STON2: variants seen among roughly 807,000 people sequenced by gnomAD.
The protein encoded by STON2 is stonin-2.
Under a neutral mutation model 65.7 loss-of-function variants are expected in STON2, and 29 were observed. That is an observed-to-expected ratio of 0.44 (90% CI 0.33 to 0.60). The LOEUF (loss-of-function observed/expected upper bound fraction) is 0.60, where lower values mean the gene tolerates loss of function less well. Among genes scored for constraint, STON2 ranks in the 20% least tolerant of loss-of-function variants. The probability of loss-of-function intolerance (pLI) is 0.03; values close to 1 mark genes in which losing one functional copy is unlikely to be tolerated. For missense variants in STON2, 1,054 were observed against 1,118.1 expected, an observed-to-expected ratio of 0.94 and a Z score of 0.82; for synonymous variants, 404 against 414.2, an observed-to-expected ratio of 0.98 and a Z score of 0.30.
At chr14:81,331,621 C>A (rs1229386128) in intron 4 of STON2, among the ~76,000 whole-genome samples, 1 of 152,218 alleles carries the variant, frequency 6.6e-6, no homozygotes, top group African/African-American at 2.4e-5. Context: ...TGCAGACCCT[C>A]AGATCACTTC....
At chr14:81,271,816 C>G (rs1894606713) in intron 6 of STON2, among the ~76,000 whole-genome samples, 1 of 152,166 alleles carries the variant, frequency 6.6e-6, no homozygotes, top group South Asian at 2.1e-4. Flanking sequence ...ATGCCTTCTT[C>G]TATGTTAAAT....
Position 81,398,407 on chromosome 14 carries a change from ACACTG to A in STON2, c.-30_-26del, listed in dbSNP as rs1900438145. 6.3e-7 allele frequency: 1 copy of A among 1,586,186 alleles called. No individual in the cohort carries two copies. Among genetic ancestry groups the A allele is most frequent in the Non-Finnish European group, 8.7e-7 (1 of 1,154,880 alleles). Reference sequence around the variant, plus strand: ...TGCTAAAAAGGCACTGGTCATCTTCACACTGCTGACCTCAGGTGAACCCCAGAATA... The same window carrying A: ...TGCTAAAAAGGCACTGGTCATCTTCACTGACCTCAGGTGAACCCCAGAATA... On this transcript the variant is annotated 5_prime_UTR_variant, in exon 2 of 8. Coordinates refer to ENST00000614646, the MANE Select transcript of STON2 (RefSeq NM_001394390.1).
intron 5 of STON2, chr14:81,323,541 C>A (rs1278342662): frequency 6.6e-6 from 1 of 152,132 alleles, no homozygotes; most frequent in Admixed American, 6.5e-5. Flanking sequence ...TTGCATCTTC[C>A]GTTCCACACT....
intron 2 of STON2, among the ~76,000 whole-genome samples, chr14:81,410,171 G>A (rs8016935): frequency 0.016 from 2,348 of 146,182 alleles, 66 homozygotes; most frequent in African/African-American, 0.057. Flanking sequence ...CCACTGAACT[G>A]ATATCAACAA....
chr14:81,334,544 A>C (rs572500897), intron 4 of STON2, among the ~76,000 whole-genome samples: 1 of 152,228 alleles, frequency 6.6e-6, no homozygotes, highest in African/African-American at 2.4e-5. Context: ...CAAGCTCTTC[A>C]TATCTTTCTC....
Position 81,260,666 on chromosome 14 carries a change from T to G in STON2, c.*7748A>C, listed in dbSNP as rs983053415. 2 of 152,340 alleles carry G rather than the reference T, an allele frequency of 1.3e-5. No individual in the cohort carries two copies. The highest frequency in any genetic ancestry group is 2.9e-5 in the Non-Finnish European group (2 of 68,178). The allele number at this position is 152,340 out of a possible 1,614,324, so 9.4% of individuals were successfully genotyped here. A position where few individuals can be genotyped will look rare whatever the true frequency, so the allele number is the denominator to read the frequency against. On this transcript the variant is annotated 3_prime_UTR_variant, in exon 8 of 8. Coordinates refer to ENST00000614646, the MANE Select transcript of STON2 (RefSeq NM_001394390.1). ...GCATAGTGATATTTTGTTCAAAAAT[T>G]TTTTATTAATAATTCATTTTCATAG...
At chr14:81,433,086 G>A (rs1003852934) in intron 1 of STON2, among the ~76,000 whole-genome samples, 5 of 152,202 alleles carry the variant, frequency 3.3e-5, no homozygotes, top group African/African-American at 9.7e-5. Flanking sequence ...ATCCCTCCAA[G>A]TGATTCGGAT....
At chr14:81,298,997 C>T (rs910725410) in intron 5 of STON2, among the ~76,000 whole-genome samples, 2 of 152,176 alleles carry the variant, frequency 1.3e-5, no homozygotes, top group East Asian at 1.9e-4. Flanking sequence ...CCCACCTCTA[C>T]CACCAAAATA....
At position 81,277,305 on chromosome 14, in the gene STON2, G is replaced by T. The variant is rs774934482; in HGVS notation, c.2177C>A (p.Ala726Glu). 26 of 1,614,046 alleles carry T rather than the reference G, an allele frequency of 1.6e-5. No individual in the cohort carries two copies. The highest frequency in any genetic ancestry group is 1.1e-5 in the South Asian group (1 of 91,084). Residue 726 changes from alanine to glutamate, a missense_variant, in exon 6 of 8, where the codon GCG becomes GAG. By Grantham distance (107) the Ala-to-Glu change is moderately radical. Coordinates refer to ENST00000614646, the MANE Select transcript of STON2 (RefSeq NM_001394390.1). ...GAACCGCATTAGCTCAAACCGGCAC[G>T]CATCCAAAGGGTTGAACAGAATGAC... ...SRVILFNPLD[A>E]CRFELMRFRT...
intron 3 of STON2, among the ~76,000 whole-genome samples, chr14:81,387,953 T>TC (rs1464472951): frequency 1.5e-5 from 2 of 135,910 alleles, no homozygotes; most frequent in East Asian, 2.2e-4. Flanking sequence ...TCTTTTCTTT[T>TC]TTTTTTTTTT....
chr14:81,428,643 A>C (rs1423766902), intron 1 of STON2, among the ~76,000 whole-genome samples: 3 of 152,152 alleles, frequency 2.0e-5, no homozygotes, highest in Non-Finnish European at 1.5e-5. Context: ...GAATCGCTTG[A>C]ACCCAGGAGG....
intron 4 of STON2, among the ~76,000 whole-genome samples, chr14:81,326,735 G>A (rs946871105): frequency 6.6e-6 from 1 of 152,212 alleles, no homozygotes; most frequent in Non-Finnish European, 1.5e-5. Flanking sequence ...TAGGGATAAT[G>A]TGAATCAATA....
intron 4 of STON2, among the ~76,000 whole-genome samples, chr14:81,329,183 C>T (rs761980377): frequency 1.3e-5 from 2 of 152,044 alleles, no homozygotes; most frequent in Non-Finnish European, 2.9e-5. Flanking sequence ...TGGCCGGGCG[C>T]GGTGGCTCAC....
At chr14:81,372,327 G>A (rs941001608) in intron 3 of STON2, among the ~76,000 whole-genome samples, 4 of 152,036 alleles carry the variant, frequency 2.6e-5, no homozygotes, top group African/African-American at 4.8e-5. Context: ...GCCAAGGCGG[G>A]TGGATCACCT....
chr14:81,355,466 C>A (rs570381287), intron 4 of STON2, among the ~76,000 whole-genome samples: 3 of 151,964 alleles, frequency 2.0e-5, no homozygotes, highest in Non-Finnish European at 4.4e-5. Flanking sequence ...AACTGTAGGT[C>A]TGGAGAGAAT....
intron 5 of STON2, among the ~76,000 whole-genome samples, chr14:81,317,730 C>T (rs1017484213): frequency 2.0e-5 from 3 of 152,130 alleles, no homozygotes; most frequent in Admixed American, 6.6e-5. Context: ...CTGAGAAAAA[C>T]GGGATGACAA....
At position 81,269,371 on chromosome 14, in the gene STON2, G is replaced by A. The variant is rs17111638; in HGVS notation, c.2785-874C>T. 10,270 of 985,262 alleles carry A rather than the reference G, an allele frequency of 0.01. 812 individuals carry two copies. In the African/African-American group the frequency reaches 0.16, roughly 16 times the overall value. 61.0% of individuals were successfully genotyped at this position (985,262 alleles called of 1,614,324 possible). A position where few individuals can be genotyped will look rare whatever the true frequency, so the allele number is the denominator to read the frequency against. On this transcript the variant is annotated intron_variant, in intron 7 of 7. Coordinates refer to ENST00000614646, the MANE Select transcript of STON2 (RefSeq NM_001394390.1). ...TAAATACTGGAATGTTTACAGTTCT[G>A]CAATATCTTCTGCAAAATACTGTCA...
intron 4 of STON2, among the ~76,000 whole-genome samples, chr14:81,356,973 T>C (rs559009660): frequency 6.6e-6 from 1 of 152,294 alleles, no homozygotes; most frequent in South Asian, 2.1e-4. Flanking sequence ...CATTACCATT[T>C]CAGGACATAG....
At chr14:81,269,618 G>C in intron 7 of STON2, 1 of 985,298 alleles carries the variant, frequency 1.0e-6, no homozygotes, top group South Asian at 4.7e-5. Flanking sequence ...AAGATGGAGT[G>C]TTTGTTCCTT....
Sources: gnomAD v4.1 joint callset for allele counts (sites outside exome capture counted in the v4.1 genomes callset) on GRCh38, gnomAD v4.1.1 for gene constraint, MANE v1.5 for transcripts, NCBI Gene and HGNC (gene_info 2026-07-23, HGNC 2026-07-21) for gene names.